GDPD4: variants seen among roughly 807,000 people sequenced by gnomAD.
GDPD4 encodes glycerophosphodiester phosphodiesterase domain containing 4.
A neutral mutation model predicts 67.8 loss-of-function variants in GDPD4; 60 were observed. That is an observed-to-expected ratio of 0.88 (90% CI 0.72 to 1.10). GDPD4 has a LOEUF of 1.10. Ranked by LOEUF, GDPD4 falls within the 50% of genes least tolerant of loss-of-function variation. GDPD4 has a pLI of 0.00. For missense variants in GDPD4, 623 were observed against 613.9 expected (o/e 1.01, Z -0.16); for synonymous variants, 212 against 210.9 (o/e 1.00, Z -0.04).
At position 77,282,696 on chromosome 11, in the gene GDPD4, C is replaced by A. The variant is rs551243767; in HGVS notation, c.53+2389G>T. Among the ~76,000 whole-genome samples the A allele has an allele frequency of 3.5e-4, 53 of 149,592 alleles. No individual in the cohort carries two copies. The South Asian group carries it at 9.2e-3, about 26-fold the overall frequency. On this transcript the variant is annotated intron_variant, in intron 3 of 16. Coordinates refer to ENST00000315938, the MANE Select transcript of GDPD4 (RefSeq NM_182833.3). ...AGTGAGACCCTGCCTCAAAAAAAAA[C>A]AACAACAACAACAAAAAAAAAAACA...
rs1959192311 is a variant in GDPD4 at position 77,268,966 on chromosome 11, C to T, written c.582G>A (p.Leu194=). Residue 194 remains leucine, a synonymous_variant, in exon 9 of 17, where the codon TTG becomes TTA. Coordinates refer to ENST00000315938, the MANE Select transcript of GDPD4 (RefSeq NM_182833.3). The stretch of plus-strand genomic sequence containing the variant: ...GTCCAAAGATGGTTGGCTTGGGCCC[C>T]AAATTCTCCTTCTCCTGAATGCAGG... ...YSPCIQEKEN[L]GPKPTIFGHR... is the part of the protein sequence containing the mutation. 6.2e-7 allele frequency: 1 copy of T among 1,614,096 alleles called. No homozygotes were observed. Among genetic ancestry groups the T allele is most frequent in the Non-Finnish European group, 8.5e-7 (1 of 1,179,986 alleles).
chr11:77,299,085 G>A (rs1422888770), intron 1 of GDPD4, among the ~76,000 whole-genome samples: 2 of 150,768 alleles, frequency 1.3e-5, no homozygotes, highest in Non-Finnish European at 2.9e-5. Flanking sequence ...TGAAAACCAG[G>A]TAATCCCTCT....
chr11:77,233,743 C>G (rs1958499485), intron 13 of GDPD4, among the ~76,000 whole-genome samples: 1 of 152,146 alleles, frequency 6.6e-6, no homozygotes, highest in Non-Finnish European at 1.5e-5. Context: ...AAAGCAGAGA[C>G]TATGTCTTAT....
intron 1 of GDPD4, among the ~76,000 whole-genome samples, chr11:77,291,141 G>A (rs572751195): frequency 3.7e-4 from 57 of 152,216 alleles, no homozygotes; most frequent in South Asian, 8.3e-4. Flanking sequence ...ATGGACAAAT[G>A]GATAAAGAAA....
At chr11:77,256,004 C>G (rs985455062) in intron 11 of GDPD4, among the ~76,000 whole-genome samples, 2 of 152,176 alleles carry the variant, frequency 1.3e-5, no homozygotes, top group Admixed American at 1.3e-4. Context: ...TGGTAGCTAA[C>G]CATGACTGCT....
At position 77,216,828 on chromosome 11, in the gene GDPD4, C is replaced by CTAAT. The variant is rs1485917110; in HGVS notation, c.*445_*448dup. ...AGAGGAAGAAGCAGGGGAGATGTGG[C>CTAAT]TAATTCTTCTTTGGAAACACAGAAG... is the stretch of plus-strand genomic sequence containing the variant. On this transcript the variant is annotated 3_prime_UTR_variant, in exon 17 of 17. Coordinates refer to ENST00000315938, the MANE Select transcript of GDPD4 (RefSeq NM_182833.3). 1.1e-5 allele frequency: 7 copies of CTAAT among 609,558 alleles called. No individual in the cohort carries two copies. Among genetic ancestry groups the CTAAT allele is most frequent in the Admixed American group, 5.3e-5 (2 of 37,576 alleles). The allele number at this position is 609,558 out of a possible 1,614,324, so 37.8% of individuals were successfully genotyped here. A position where few individuals can be genotyped will look rare whatever the true frequency, so the allele number is the denominator to read the frequency against.
intron 1 of GDPD4, among the ~76,000 whole-genome samples, chr11:77,289,621 C>T (rs1055835286): frequency 2.0e-5 from 3 of 151,300 alleles, no homozygotes; most frequent in African/African-American, 7.3e-5. Context: ...ATCACAGTTA[C>T]TTGCGAGGCT....
intron 15 of GDPD4, 127 bp from the exon 16 acceptor site, chr11:77,228,043 C>T (rs1356289816): frequency 6.8e-6 from 5 of 734,100 alleles, no homozygotes; most frequent in African/African-American, 1.7e-5. Context: ...CATTTGCCTG[C>T]AAGGATTCCC....
At chr11:77,281,888 C>T (rs1252409539) in intron 3 of GDPD4, among the ~76,000 whole-genome samples, 1 of 151,956 alleles carries the variant, frequency 6.6e-6, no homozygotes, top group East Asian at 1.9e-4. Flanking sequence ...TAACAGTCCT[C>T]TTCTACGGCA....
chr11:77,243,778 C>T lies in GDPD4; in HGVS notation c.1157G>A (p.Arg386His), dbSNP rs757371607. 47 of 1,612,412 alleles carry T rather than the reference C, an allele frequency of 2.9e-5. No individual in the cohort carries two copies. The highest frequency in any genetic ancestry group is 1.6e-4 in the Middle Eastern group (1 of 6,078). ...AGCAAGGGTTTCAATGGATACTAAA[C>T]GGCCCACATGCTGAAAACCAGGAGC... is the stretch of plus-strand genomic sequence containing the variant. ...SVAPGFQHVG[R>H]LVSIETLAKN... Residue 386 changes from arginine to histidine, a missense_variant, in exon 13 of 17, where the codon CGT becomes CAT. Arg to His is a conservative substitution (Grantham distance 29, BLOSUM62 0). Transcript: ENST00000315938.
rs1959048012 is a variant in GDPD4, at chr11:77,258,513, T to C, written c.737A>G (p.Asp246Gly). The change falls in exon 11 of 17, where the codon GAC (aspartate) becomes GGC (glycine). Residue 246 changes from aspartate to glycine, a missense_variant. By Grantham distance (94) the Asp-to-Gly change is moderately conservative. Transcript: ENST00000315938. ...ATTGGTTGTTCTTTTCAGGTCAAAG[T>C]CATGCATGAGGAAAGGCACATGATC... Reference protein sequence around the residue: ...SYDHVPFLMHDFDLKRTTNIG... With the variant: ...SYDHVPFLMHGFDLKRTTNIG... 1 of 1,613,910 alleles carries C rather than the reference T, an allele frequency of 6.2e-7. No individual in the cohort carries two copies. The highest frequency in any genetic ancestry group is 1.3e-5 in the African/African-American group (1 of 74,978).
chr11:77,246,521 AAT>A (rs1958788204), intron 11 of GDPD4, among the ~76,000 whole-genome samples: 1 of 152,250 alleles, frequency 6.6e-6, no homozygotes, highest in South Asian at 2.1e-4. Flanking sequence ...ATTAAAGTTC[AAT>A]CCTGGCTCAC....
At chr11:77,300,669 T>G (rs959177646) in intron 1 of GDPD4, among the ~76,000 whole-genome samples, 1 of 152,192 alleles carries the variant, frequency 6.6e-6, no homozygotes, top group African/African-American at 2.4e-5. Context: ...ACATGGAATA[T>G]TTATCAAAAA....
At chr11:77,278,202 C>T (rs11823572) in intron 4 of GDPD4, among the ~76,000 whole-genome samples, 11,779 of 152,092 alleles carry the variant, frequency 0.077, 757 homozygotes, top group East Asian at 0.24. Flanking sequence ...ATGATCCACC[C>T]GCCTCGGCCT....
At chr11:77,255,587 G>A (rs996422841) in intron 11 of GDPD4, among the ~76,000 whole-genome samples, 1 of 152,068 alleles carries the variant, frequency 6.6e-6, no homozygotes, top group African/African-American at 2.4e-5. Flanking sequence ...AAGGCTGGGT[G>A]CGGTGGCTCA....
intron 13 of GDPD4, among the ~76,000 whole-genome samples, chr11:77,233,791 C>A (rs1958499897): frequency 6.6e-6 from 1 of 152,176 alleles, no homozygotes; most frequent in Non-Finnish European, 1.5e-5. Context: ...TAATGCCAGG[C>A]TCCACAAATA....
intron 10 of GDPD4, among the ~76,000 whole-genome samples, chr11:77,263,159 A>G (rs1272811792): frequency 7.8e-6 from 1 of 128,664 alleles, no homozygotes; most frequent in East Asian, 2.3e-4. Context: ...AAATTGATAC[A>G]ATTTGAAACT....
In GDPD4 at chr11:77,287,363, G is replaced by A. The variant is rs1249406931; in HGVS notation, c.-196C>T. 1 of 152,130 alleles carries A rather than the reference G, an allele frequency of 6.6e-6. No homozygotes were observed. Among genetic ancestry groups the A allele is most frequent in the Non-Finnish European group, 1.5e-5 (1 of 68,022 alleles). 9.4% of individuals were successfully genotyped at this position (152,130 alleles called of 1,614,324 possible). On this transcript the variant is annotated 5_prime_UTR_variant, in exon 2 of 17. Transcript: ENST00000315938. ...TGGATTAAGCTTTTTTGGTTTTTCT[G>A]TCTTATTCCTCTTGTGCTCAATCCT...
chr11:77,235,493 G>A (rs371621981), intron 13 of GDPD4, among the ~76,000 whole-genome samples: 54 of 152,278 alleles, frequency 3.5e-4, no homozygotes, highest in African/African-American at 1.2e-3. Context: ...TAAATCAGTG[G>A]AACAGAACCG....
Sources: gnomAD v4.1 joint callset for allele counts (sites outside exome capture counted in the v4.1 genomes callset) on GRCh38, gnomAD v4.1.1 for gene constraint, MANE v1.5 for transcripts, NCBI Gene and HGNC (gene_info 2026-07-23, HGNC 2026-07-21) for gene names.